Variants in AKAP19 observed in about 807,000 individuals in gnomAD.
The protein encoded by AKAP19 is A-kinase anchoring protein 19.
the AKAP19 span, among the ~76,000 whole-genome samples, chr2:190,154,857 G>A: frequency 6.6e-6 from 1 of 152,226 alleles, no homozygotes; most frequent in Non-Finnish European, 1.5e-5. Context: ...TGCAGGCTGT[G>A]AGGTGGACTG....
chr2:190,078,807 A>G, the AKAP19 span, among the ~76,000 whole-genome samples: 1 of 152,148 alleles, frequency 6.6e-6, no homozygotes, highest in African/African-American at 2.4e-5. Context: ...TTACCCTCTG[A>G]TCAACTTGCA....
At chr2:190,113,986 T>G in the AKAP19 span, among the ~76,000 whole-genome samples, 3 of 152,210 alleles carry the variant, frequency 2.0e-5, no homozygotes, top group African/African-American at 4.8e-5. Context: ...TACTGGATAA[T>G]CAATTTGTTT....
the AKAP19 span, among the ~76,000 whole-genome samples, chr2:189,884,181 T>A: frequency 6.6e-6 from 1 of 152,158 alleles, no homozygotes; most frequent in African/African-American, 2.4e-5. Context: ...GGAGCGAACA[T>A]ATTTATGGGG....
the AKAP19 span, among the ~76,000 whole-genome samples, chr2:190,067,125 T>C: frequency 6.6e-6 from 1 of 152,142 alleles, no homozygotes; most frequent in Non-Finnish European, 1.5e-5. Flanking sequence ...ATTTAACACA[T>C]ATATATTAAA....
At chr2:189,982,522 C>T in the AKAP19 span, among the ~76,000 whole-genome samples, 4 of 152,154 alleles carry the variant, frequency 2.6e-5, no homozygotes, top group Admixed American at 1.3e-4. Context: ...TAGCATCCAT[C>T]GCTAGAGCTA....
the AKAP19 span, among the ~76,000 whole-genome samples, chr2:190,120,249 T>C: frequency 6.6e-6 from 1 of 152,108 alleles, no homozygotes; most frequent in Admixed American, 6.5e-5. Flanking sequence ...CTTATGAGAA[T>C]CTCCTGATCA....
chr2:190,068,269 T>C, the AKAP19 span, among the ~76,000 whole-genome samples: 1 of 152,160 alleles, frequency 6.6e-6, no homozygotes, highest in Non-Finnish European at 1.5e-5. Context: ...AATATTTTGC[T>C]CTTTTTTGTC....
At chr2:190,066,172 G>A in the AKAP19 span, among the ~76,000 whole-genome samples, 15 of 152,234 alleles carry the variant, frequency 9.9e-5, no homozygotes, top group African/African-American at 2.6e-4. Context: ...GGTATGGTTC[G>A]TCTTTGTACT....
chr2:189,883,373 A>C, the AKAP19 span, among the ~76,000 whole-genome samples: 22 of 152,312 alleles, frequency 1.4e-4, no homozygotes, highest in South Asian at 4.1e-4. Flanking sequence ...GACAAAAAAC[A>C]AACCAGGGCT....
the AKAP19 span, among the ~76,000 whole-genome samples, chr2:190,165,989 G>A: frequency 6.6e-6 from 1 of 152,046 alleles, no homozygotes; most frequent in African/African-American, 2.4e-5. Flanking sequence ...AAAGAAAGTT[G>A]TATTTAGAAA....
chr2:190,078,667 ACC>A, the AKAP19 span, among the ~76,000 whole-genome samples: 1 of 151,592 alleles, frequency 6.6e-6, no homozygotes, highest in Non-Finnish European at 1.5e-5. Flanking sequence ...TGAGAAAATA[ACC>A]CCTTCTTTCC....
At chr2:190,057,907 G>A in the AKAP19 span, among the ~76,000 whole-genome samples, 10 of 151,934 alleles carry the variant, frequency 6.6e-5, no homozygotes, top group African/African-American at 2.4e-4. Flanking sequence ...GTACCAGATT[G>A]CCTGGCACAT....
At chr2:190,076,184 T>C in the AKAP19 span, among the ~76,000 whole-genome samples, 1 of 152,220 alleles carries the variant, frequency 6.6e-6, no homozygotes, top group Non-Finnish European at 1.5e-5. Context: ...CCTGTGTAGA[T>C]AAGTGTTTCA....
At chr2:190,115,719 T>C in the AKAP19 span, among the ~76,000 whole-genome samples, 2 of 152,176 alleles carry the variant, frequency 1.3e-5, no homozygotes, top group Non-Finnish European at 2.9e-5. Flanking sequence ...CTAGAGACAC[T>C]GTTCATGTCT....
chr2:189,883,774 T>C, the AKAP19 span, among the ~76,000 whole-genome samples: 5 of 152,194 alleles, frequency 3.3e-5, no homozygotes, highest in African/African-American at 9.6e-5. Flanking sequence ...CAGCACTCAG[T>C]ACTACTGAAC....
At chr2:190,061,146 C>T in the AKAP19 span, among the ~76,000 whole-genome samples, 16 of 152,058 alleles carry the variant, frequency 1.1e-4, no homozygotes, top group Middle Eastern at 3.4e-3. Flanking sequence ...CTGCTCCAGA[C>T]CTATTTGATA....
chr2:189,985,260 G>A, the AKAP19 span, among the ~76,000 whole-genome samples: 3 of 152,110 alleles, frequency 2.0e-5, no homozygotes, highest in African/African-American at 4.8e-5. Flanking sequence ...TACAGAGCTT[G>A]TCCATTCACT....
At chr2:190,133,193 ACG>A in the AKAP19 span, among the ~76,000 whole-genome samples, 1 of 140,904 alleles carries the variant, frequency 7.1e-6, no homozygotes, top group Non-Finnish European at 1.5e-5. Flanking sequence ...GGCCGAGATC[ACG>A]CCACTGCACT....
chr2:189,922,311 A>C, the AKAP19 span, among the ~76,000 whole-genome samples: 1 of 152,248 alleles, frequency 6.6e-6, no homozygotes, highest in Admixed American at 6.5e-5. Flanking sequence ...GAATTATATC[A>C]GATTTTAGAA....
Sources: allele counts gnomAD v4.1 joint callset (sites outside exome capture counted in the v4.1 genomes callset), GRCh38; gene constraint gnomAD v4.1.1; transcripts MANE v1.5; gene names NCBI Gene and HGNC (gene_info 2026-07-23, HGNC 2026-07-21).